Variants in QRFPR observed in about 807,000 individuals in gnomAD.
The protein encoded by QRFPR is pyroglutamylated RF-amide peptide receptor.
Under a neutral mutation model 31.3 loss-of-function variants are expected in QRFPR, and 37 were observed. The observed-to-expected ratio is 1.18, with a 90% CI of 0.91 to 1.56. The LOEUF (loss-of-function observed/expected upper bound fraction) is 1.56. Ranked by LOEUF, QRFPR falls within the 40% of genes most tolerant of loss-of-function variation. The pLI, the probability that QRFPR is intolerant of heterozygous loss-of-function variation, is 0.00. For missense variants in QRFPR, 542 were observed against 532.5 expected (o/e 1.02, Z -0.18); for synonymous variants, 197 against 192.0 (o/e 1.03, Z -0.22).
At chr4:121,366,738 A>T (rs2110482379) in intron 1 of QRFPR, among the ~76,000 whole-genome samples, 1 of 150,136 alleles carries the variant, frequency 6.7e-6, no homozygotes, top group Admixed American at 6.6e-5. Context: ...ATTTTTTGTG[A>T]TTTGCTGTGC....
At chr4:121,359,222 A>C (rs920166352) in intron 1 of QRFPR, among the ~76,000 whole-genome samples, 6 of 152,106 alleles carry the variant, frequency 3.9e-5, no homozygotes, top group African/African-American at 1.4e-4. Flanking sequence ...CTACCTATAC[A>C]TATGTTTAGG....
chr4:121,347,313 T>A (rs181303836), intron 1 of QRFPR, among the ~76,000 whole-genome samples: 5 of 152,332 alleles, frequency 3.3e-5, no homozygotes, highest in African/African-American at 1.2e-4. Context: ...CACTTTTTTT[T>A]AATTCTACTG....
chr4:121,344,181 C>T (rs1301944209), intron 1 of QRFPR, among the ~76,000 whole-genome samples: 1 of 152,166 alleles, frequency 6.6e-6, no homozygotes, highest in Non-Finnish European at 1.5e-5. Flanking sequence ...AACCTTATTT[C>T]CCAGAGAAAG....
intron 1 of QRFPR, among the ~76,000 whole-genome samples, chr4:121,344,119 G>T (rs373150140): frequency 6.6e-6 from 1 of 152,162 alleles, no homozygotes; most frequent in Non-Finnish European, 1.5e-5. Context: ...TGCACTTGGG[G>T]CTGACATGTT....
chr4:121,348,864 G>A (rs1420690761), intron 1 of QRFPR, among the ~76,000 whole-genome samples: 2 of 152,072 alleles, frequency 1.3e-5, no homozygotes, highest in African/African-American at 4.8e-5. Flanking sequence ...TTGGGAGGCC[G>A]AGGCGGGCTG....
chr4:121,352,355 T>G (rs1725776597), intron 1 of QRFPR, among the ~76,000 whole-genome samples: 1 of 152,112 alleles, frequency 6.6e-6, no homozygotes, highest in Admixed American at 6.6e-5. Context: ...TACTTATGAT[T>G]GTCACTTTGG....
chr4:121,348,022 G>A (rs1725691161), intron 1 of QRFPR, among the ~76,000 whole-genome samples: 1 of 151,744 alleles, frequency 6.6e-6, no homozygotes, highest in Non-Finnish European at 1.5e-5. Context: ...ATTTTTCCTG[G>A]AATTTTGGGT....
chr4:121,339,017 A>C (rs2110469597), intron 2 of QRFPR, among the ~76,000 whole-genome samples: 1 of 152,328 alleles, frequency 6.6e-6, no homozygotes, highest in African/African-American at 2.4e-5. Flanking sequence ...AGTAGGAAAG[A>C]TATGACATAA....
intron 1 of QRFPR, among the ~76,000 whole-genome samples, chr4:121,354,511 G>T (rs930434242): frequency 6.6e-6 from 1 of 151,736 alleles, no homozygotes. Flanking sequence ...AGGATAATTT[G>T]ACTTTTTCCT....
At chr4:121,330,372 T>C (rs1209120979) in intron 5 of QRFPR, 54 bp downstream of exon 5, 1 of 1,210,420 alleles carries the variant, frequency 8.3e-7, no homozygotes, top group African/African-American at 1.5e-5. Flanking sequence ...TCATTGTCTA[T>C]TCTAGCAGGA....
chr4:121,366,613 C>A (rs1021215133), intron 1 of QRFPR, among the ~76,000 whole-genome samples: 6 of 149,720 alleles, frequency 4.0e-5, no homozygotes, highest in African/African-American at 1.5e-4. Flanking sequence ...TATGAGGTCA[C>A]CAGATAGATG....
intron 1 of QRFPR, among the ~76,000 whole-genome samples, chr4:121,358,962 G>A (rs1394617355): frequency 6.6e-6 from 1 of 152,092 alleles, no homozygotes; most frequent in East Asian, 1.9e-4. Context: ...GGATAAATGA[G>A]GAATAAAGTA....
In QRFPR at chr4:121,330,467, C is replaced by A. The variant is rs1163952097; in HGVS notation, c.854G>T (p.Cys285Phe). 2 of 1,613,964 alleles carry A rather than the reference C, an allele frequency of 1.2e-6. No individual in the cohort carries two copies. Among genetic ancestry groups the A allele is most frequent in the Non-Finnish European group, 1.7e-6 (2 of 1,179,864 alleles). Residue 285 changes from cysteine to phenylalanine, a missense_variant, in exon 5 of 6, where the codon TGC becomes TTC. Cys to Phe is a radical substitution (Grantham distance 205, BLOSUM62 -2). Transcript: ENST00000394427. The part of the protein sequence containing the change: ...MVTVVALFAV[C>F]WAPFHVVHMM... The stretch of plus-strand genomic sequence containing the variant: ...ATGGACAACATGGAATGGTGCCCAG[C>A]ACACAGCAAAGAGAGCCACCACTGT...
Position 121,340,611 on chromosome 4 carries a change from C to A in QRFPR, c.341-1G>T. ...GGCACCATCTTGCAAATGAAAGCAC[C>A]TGCAGTAAGGAAATAGGACAAATCA... On this transcript the variant is annotated splice_acceptor_variant, in intron 1 of 5. Transcript: ENST00000394427. LOFTEE classifies it high-confidence loss of function. The A allele has an allele frequency of 6.2e-7, 1 of 1,613,088 alleles. No individual in the cohort carries two copies. Among genetic ancestry groups the A allele is most frequent in the Non-Finnish European group, 8.5e-7 (1 of 1,179,296 alleles).
At chr4:121,375,366 T>C (rs1332647786) in intron 1 of QRFPR, among the ~76,000 whole-genome samples, 3 of 152,164 alleles carry the variant, frequency 2.0e-5, no homozygotes, top group Admixed American at 1.3e-4. Flanking sequence ...CCATTACTTC[T>C]TTGAATGCTT....
At chr4:121,338,068 T>C (rs1299112947) in intron 2 of QRFPR, among the ~76,000 whole-genome samples, 3 of 152,196 alleles carry the variant, frequency 2.0e-5, no homozygotes, top group Non-Finnish European at 4.4e-5. Context: ...ACACATAATT[T>C]GGTGCTGCCT....
At chr4:121,363,236 G>A (rs1005117469) in intron 1 of QRFPR, among the ~76,000 whole-genome samples, 1 of 150,090 alleles carries the variant, frequency 6.7e-6, no homozygotes, top group South Asian at 2.1e-4. Flanking sequence ...TGAGGCAGGA[G>A]AATCACTTGA....
At chr4:121,354,243 A>C (rs2110476128) in intron 1 of QRFPR, among the ~76,000 whole-genome samples, 1 of 152,206 alleles carries the variant, frequency 6.6e-6, no homozygotes, top group Non-Finnish European at 1.5e-5. Context: ...TATTTCTGTG[A>C]AGAATGCCAT....
rs574535526 is a variant in QRFPR, at chr4:121,338,704, T to C, written c.499+1748A>G. On this transcript the variant is annotated intron_variant, in intron 2 of 5. Coordinates refer to ENST00000394427, the MANE Select transcript of QRFPR (RefSeq NM_198179.3). ...ACTGACTGACAAGGCTGAATGACAG[T>C]GTGACAAAGCTACAGGAGACATTAG... Among the ~76,000 whole-genome samples the C allele has an allele frequency of 3.0e-4, 46 of 152,248 alleles. 1 individual carries two copies. Among genetic ancestry groups the C allele is most frequent in the South Asian group, 1.2e-3 (6 of 4,824 alleles).
Sources: gnomAD v4.1 joint callset for allele counts (sites outside exome capture counted in the v4.1 genomes callset) on GRCh38, gnomAD v4.1.1 for gene constraint, MANE v1.5 for transcripts, NCBI Gene and HGNC (gene_info 2026-07-23, HGNC 2026-07-21) for gene names.